The following DPF3 variants were observed in gnomAD, a reference collection of about 807,000 sequenced individuals.
The protein encoded by DPF3 is zinc finger protein DPF3.
DPF3 carries 18 observed loss-of-function variants against 56.8 expected under a neutral mutation model. That is an observed-to-expected ratio of 0.32 (90% CI 0.22 to 0.47). The LOEUF (loss-of-function observed/expected upper bound fraction) is 0.47. Among genes scored for constraint, DPF3 ranks in the 20% least tolerant of loss-of-function variants. The probability of loss-of-function intolerance (pLI) is 1.00; values close to 1 mark genes in which losing one functional copy is unlikely to be tolerated. For synonymous variants in DPF3, 188 were observed against 180.2 expected, an observed-to-expected ratio of 1.04 and a Z score of -0.35; for missense variants, 403 against 488.8, an observed-to-expected ratio of 0.82 and a Z score of 1.65.
chr14:72,793,027 T>A (rs143482543), intron 1 of DPF3, among the ~76,000 whole-genome samples: 159 of 152,238 alleles, frequency 1.0e-3, no homozygotes, highest in African/African-American at 3.5e-3. Context: ...TCAAAATCAT[T>A]CTCCGTCCCT....
chr14:72,714,453 C>T lies in DPF3; in HGVS notation c.574G>A (p.Glu192Lys). The change falls in exon 6 of 11, where the codon GAA becomes AAA. Residue 192 changes from glutamate to lysine, a missense_variant. Transcript: ENST00000556509. ...CAGACGTAAGGTTTGTCGTGGTCTTCCTGAGAGGCGGCGTCGTGCCTCCTC... is the reference window on the plus strand; with the variant it reads ...CAGACGTAAGGTTTGTCGTGGTCTTTCTGAGAGGCGGCGTCGTGCCTCCTC... ...GRRRHDAASQ[E>K]DHDKPYVCDI... 2.5e-6 allele frequency: 4 copies of T among 1,613,884 alleles called. No homozygotes were observed. The highest frequency in any genetic ancestry group is 3.4e-6 in the Non-Finnish European group (4 of 1,179,826).
rs1031608739 is a variant in DPF3 at position 72,755,534 on chromosome 14, T to C, written c.194-2163A>G. On this transcript the variant is annotated intron_variant, in intron 2 of 10. Coordinates refer to ENST00000556509, the MANE Select transcript of DPF3 (RefSeq NM_001280542.3). Reference sequence around the variant, plus strand: ...TTGCCTCACCTGTAAGATAAGGGCATTGATAACATTAATACCTACCTCCTG... The same window carrying C: ...TTGCCTCACCTGTAAGATAAGGGCACTGATAACATTAATACCTACCTCCTG... 5.9e-5 allele frequency among the ~76,000 whole-genome samples: 9 copies of C among 152,204 alleles called. No individual in the cohort carries two copies. The South Asian group carries it at 8.3e-4, about 14-fold the overall frequency.
intron 1 of DPF3, among the ~76,000 whole-genome samples, chr14:72,885,604 A>T (rs1448662256): frequency 6.6e-6 from 1 of 151,742 alleles, no homozygotes; most frequent in South Asian, 2.1e-4. Flanking sequence ...GGGTCTCATG[A>T]TATGTCCAGG....
chr14:72,630,850 A>C (rs550532238), intron 8 of DPF3, among the ~76,000 whole-genome samples: 1 of 152,146 alleles, frequency 6.6e-6, no homozygotes. Flanking sequence ...TGCCTCTTTC[A>C]TTTGAAGGAT....
chr14:72,786,121 G>C (rs1892198650), intron 1 of DPF3, among the ~76,000 whole-genome samples: 1 of 152,130 alleles, frequency 6.6e-6, no homozygotes, highest in Non-Finnish European at 1.5e-5. Flanking sequence ...AAATTAGCCA[G>C]GCATGGTGGT....
Position 72,753,405 on chromosome 14 carries a change from C to G in DPF3, c.194-34G>C, listed in dbSNP as rs1273316315. 28 of 1,556,278 alleles carry G rather than the reference C, an allele frequency of 1.8e-5. No individual in the cohort carries two copies. The Admixed American group carries it at 3.1e-4, about 17-fold the overall frequency. On this transcript the variant is annotated intron_variant, in intron 2 of 10. Coordinates refer to ENST00000556509, the MANE Select transcript of DPF3 (RefSeq NM_001280542.3). Reference sequence around the variant, plus strand: ...AGAGACAATATAAAGATTAAAGGCTCCAGGCTGGAAGGGGCCTTGGAAACT... The same window carrying G: ...AGAGACAATATAAAGATTAAAGGCTGCAGGCTGGAAGGGGCCTTGGAAACT...
intron 1 of DPF3, among the ~76,000 whole-genome samples, chr14:72,793,061 T>C (rs950847083): frequency 2.6e-5 from 4 of 152,306 alleles, no homozygotes; most frequent in South Asian, 2.1e-4. Flanking sequence ...GAAAGTTCAA[T>C]TCCCCCTAAA....
intron 1 of DPF3, among the ~76,000 whole-genome samples, chr14:72,869,521 C>T (rs1372829288): frequency 1.3e-5 from 2 of 152,174 alleles, no homozygotes; most frequent in African/African-American, 2.4e-5. Flanking sequence ...AGACGGTGTG[C>T]TTCTCCTGGT....
intron 6 of DPF3, among the ~76,000 whole-genome samples, chr14:72,708,452 C>T (rs2153574995): frequency 6.6e-6 from 1 of 152,284 alleles, no homozygotes; most frequent in African/African-American, 2.4e-5. Flanking sequence ...CAAGGACCTG[C>T]AAGACAACTG....
chr14:72,784,912 G>A (rs765321457), intron 1 of DPF3, among the ~76,000 whole-genome samples: 12 of 151,572 alleles, frequency 7.9e-5, no homozygotes, highest in East Asian at 1.9e-4. Context: ...AGCTGAGATC[G>A]CACCATTACA....
chr14:72,803,202 T>C (rs80179564), intron 1 of DPF3, among the ~76,000 whole-genome samples: 2,266 of 152,362 alleles, frequency 0.015, 26 homozygotes, highest in Non-Finnish European at 0.024. Flanking sequence ...GTGGCCTTTC[T>C]GTCCCCTGGC....
intron 1 of DPF3, among the ~76,000 whole-genome samples, chr14:72,801,056 C>T (rs17781588): frequency 0.082 from 12,470 of 152,290 alleles, 774 homozygotes; most frequent in South Asian, 0.21. Flanking sequence ...CAGTGGTTAA[C>T]ACCACCTTAC....
chr14:72,636,131 T>C lies in DPF3; in HGVS notation c.872-6395A>G, dbSNP rs578011553. On this transcript the variant is annotated intron_variant, in intron 8 of 10. Coordinates refer to ENST00000556509, the MANE Select transcript of DPF3 (RefSeq NM_001280542.3). ...CTTGGTTTACAGAAATTGTATTACA[T>C]AAAATACATAGAATCAATTCCAACC... Among the ~76,000 whole-genome samples the C allele has an allele frequency of 4.6e-5, 7 of 152,304 alleles. No homozygotes were observed. In the East Asian group the frequency reaches 1.2e-3, roughly 25 times the overall value.
chr14:72,819,599 G>T (rs1883441177), intron 1 of DPF3, among the ~76,000 whole-genome samples: 1 of 152,132 alleles, frequency 6.6e-6, no homozygotes. Flanking sequence ...ATGTGGATAA[G>T]ACTTTTTTTT....
chr14:72,812,688 G>A (rs1052883502), intron 1 of DPF3, among the ~76,000 whole-genome samples: 5 of 152,174 alleles, frequency 3.3e-5, no homozygotes, highest in African/African-American at 1.2e-4. Flanking sequence ...GGGGGGAGAG[G>A]GCGCTCTAGT....
chr14:72,797,656 A>G (rs1892696312), intron 1 of DPF3, among the ~76,000 whole-genome samples: 1 of 152,208 alleles, frequency 6.6e-6, no homozygotes, highest in Non-Finnish European at 1.5e-5. Flanking sequence ...ACCTAATTTT[A>G]AAATCCATTT....
intron 1 of DPF3, among the ~76,000 whole-genome samples, chr14:72,804,881 T>C (rs1599457087): frequency 6.6e-6 from 1 of 152,230 alleles, no homozygotes; most frequent in South Asian, 2.1e-4. Context: ...AATTCTTATA[T>C]CACAGCCACT....
intron 8 of DPF3, chr14:72,661,804 G>A (rs1470587135): frequency 2.0e-6 from 2 of 981,680 alleles, no homozygotes; most frequent in Non-Finnish European, 2.4e-6. Flanking sequence ...TCTTCTAGGA[G>A]TTGTTAGGTG....
At chr14:72,668,442 T>C (rs1277325719) in intron 8 of DPF3, among the ~76,000 whole-genome samples, 1 of 152,222 alleles carries the variant, frequency 6.6e-6, no homozygotes, top group East Asian at 1.9e-4. Context: ...AACCTTACTA[T>C]GCTTCTATTA....
Sources: gnomAD v4.1 joint callset for allele counts (sites outside exome capture counted in the v4.1 genomes callset) on GRCh38, gnomAD v4.1.1 for gene constraint, MANE v1.5 for transcripts, NCBI Gene and HGNC (gene_info 2026-07-23, HGNC 2026-07-21) for gene names.